The following ZCWPW2 variants were observed in gnomAD, a reference collection of about 807,000 sequenced individuals.
ZCWPW2 encodes the protein zinc finger CW-type PWWP domain protein 2.
In ZCWPW2, 45 loss-of-function variants were observed where a neutral mutation model predicts 46.6. The observed-to-expected ratio is 0.96, with a 90% confidence interval of 0.76 to 1.24. The LOEUF is 1.24. Among genes scored for constraint, ZCWPW2 ranks in the 50% most tolerant of loss-of-function variants. The pLI is 0.00. For missense variants in ZCWPW2, 429 were observed against 403.9 expected (o/e 1.06, Z -0.53); for synonymous variants, 152 against 137.1 (o/e 1.11, Z -0.76).
intron 3 of ZCWPW2, among the ~76,000 whole-genome samples, chr3:28,417,089 A>G (rs1696611353): frequency 6.6e-6 from 1 of 151,026 alleles, no homozygotes; most frequent in Non-Finnish European, 1.5e-5. Flanking sequence ...AGGTCAACAA[A>G]ATTGATAGAC....
intron 1 of ZCWPW2, among the ~76,000 whole-genome samples, chr3:28,379,004 C>T (rs73825143): frequency 3.3e-5 from 5 of 152,296 alleles, no homozygotes; most frequent in Admixed American, 6.5e-5. Flanking sequence ...TAGCTGGACA[C>T]TGCCTGAAAA....
intron 1 of ZCWPW2, among the ~76,000 whole-genome samples, chr3:28,374,976 T>C (rs1178198814): frequency 6.6e-6 from 1 of 151,946 alleles, no homozygotes; most frequent in Non-Finnish European, 1.5e-5. Context: ...TTTAGATCTT[T>C]AATATTTGCT....
chr3:28,379,009 T>G lies in ZCWPW2; in HGVS notation c.-133-11489T>G, dbSNP rs145512912. Among the ~76,000 whole-genome samples the G allele has an allele frequency of 2.5e-3, 385 of 152,296 alleles. 1 individual carries two copies. Among genetic ancestry groups the G allele is most frequent in the African/African-American group, 8.4e-3 (350 of 41,584 alleles). ...TTCTCCCAGGTAGCTGGACACTGCC[T>G]GAAAATATCAGGTGTGCCTTATGTG... On this transcript the variant is annotated intron_variant, in intron 1 of 9. Transcript: ENST00000383768.
intron 4 of ZCWPW2, among the ~76,000 whole-genome samples, chr3:28,476,614 G>T (rs1026015414): frequency 6.6e-6 from 1 of 152,086 alleles, no homozygotes; most frequent in African/African-American, 2.4e-5. Context: ...TCCATGGACT[G>T]GGGGAAGGAA....
At chr3:28,475,391 A>C (rs1253662357) in intron 4 of ZCWPW2, among the ~76,000 whole-genome samples, 1 of 152,106 alleles carries the variant, frequency 6.6e-6, no homozygotes, top group Non-Finnish European at 1.5e-5. Flanking sequence ...TTCTTGCATA[A>C]ATTATTGCAA....
Position 28,348,860 on chromosome 3 carries a change from A to T in ZCWPW2, c.-477A>T. The T allele has an allele frequency of 2.6e-6, 2 of 770,486 alleles. No individual in the cohort carries two copies. The highest frequency in any genetic ancestry group is 3.2e-6 in the Non-Finnish European group (2 of 633,668). The allele number at this position is 770,486 out of a possible 1,614,324, so 47.7% of individuals were successfully genotyped here. A position where few individuals can be genotyped will look rare whatever the true frequency, so the allele number is the denominator to read the frequency against. Reference sequence around the variant, plus strand: ...AGGCAGGAGGGGCCGGGCCGACGCGAGAGAAGGCCCGTTACCCAGCAATAC... The same window carrying T: ...AGGCAGGAGGGGCCGGGCCGACGCGTGAGAAGGCCCGTTACCCAGCAATAC... On this transcript the variant is annotated 5_prime_UTR_variant, in exon 1 of 10. Transcript: ENST00000383768.
At chr3:28,516,436 A>G (rs1469681511) in intron 8 of ZCWPW2, among the ~76,000 whole-genome samples, 1 of 152,124 alleles carries the variant, frequency 6.6e-6, no homozygotes, top group Non-Finnish European at 1.5e-5. Flanking sequence ...GGGGCTTCCA[A>G]CTAAATTGTC....
chr3:28,502,713 A>C (rs1700180411), intron 6 of ZCWPW2, among the ~76,000 whole-genome samples: 1 of 152,158 alleles, frequency 6.6e-6, no homozygotes, highest in African/African-American at 2.4e-5. Context: ...TTCCATCCAC[A>C]GGGCTGCTGG....
At position 28,476,100 on chromosome 3, in the gene ZCWPW2, T is replaced by C. The variant is rs573619934; in HGVS notation, c.493-2714T>C. ...CTAACATTCATTATATATTTATATG[T>C]TGTAGAAATATATAATATTATATAA... On this transcript the variant is annotated intron_variant, in intron 4 of 9. Transcript: ENST00000383768. Among the ~76,000 whole-genome samples the C allele has an allele frequency of 2.6e-5, 4 of 150,966 alleles. No homozygotes were observed. The South Asian group carries it at 8.3e-4, about 31-fold the overall frequency.
intron 5 of ZCWPW2, among the ~76,000 whole-genome samples, chr3:28,479,465 A>C (rs1252733702): frequency 6.6e-6 from 1 of 152,178 alleles, no homozygotes; most frequent in African/African-American, 2.4e-5. Context: ...ATACTATGGT[A>C]TATAGTTAGC....
intron 4 of ZCWPW2, among the ~76,000 whole-genome samples, chr3:28,470,630 T>A (rs2125796526): frequency 6.6e-6 from 1 of 150,894 alleles, no homozygotes; most frequent in African/African-American, 2.4e-5. Context: ...AGTGCCTAAA[T>A]TAAAAAAGAA....
chr3:28,468,621 C>T (rs1698918635), intron 4 of ZCWPW2, among the ~76,000 whole-genome samples: 1 of 152,160 alleles, frequency 6.6e-6, no homozygotes, highest in South Asian at 2.1e-4. Context: ...TGTCAGCAAA[C>T]TGTTCAGTGG....
chr3:28,479,840 A>G (rs2125805372), intron 5 of ZCWPW2, among the ~76,000 whole-genome samples: 1 of 152,296 alleles, frequency 6.6e-6, no homozygotes, highest in South Asian at 2.1e-4. Flanking sequence ...ATGTCCCTGC[A>G]AAGGACTCAT....
At chr3:28,501,652 CAAAAT>C (rs1249374991) in intron 6 of ZCWPW2, among the ~76,000 whole-genome samples, 1 of 152,108 alleles carries the variant, frequency 6.6e-6, no homozygotes, top group Non-Finnish European at 1.5e-5. Flanking sequence ...CATCCCCAAT[CAAAAT>C]AAAGAATTTT....
In ZCWPW2 at chr3:28,365,496, G is replaced by A. The variant is rs1165541731; in HGVS notation, c.-134+16293G>A. On this transcript the variant is annotated intron_variant, in intron 1 of 9. Coordinates refer to ENST00000383768, the MANE Select transcript of ZCWPW2 (RefSeq NM_001040432.4). ...ATTTCTGAGGGCTCTGTTCTGTTCC[G>A]TTAGTCTATATCTCCGTTTTGGTAC... Among the ~76,000 whole-genome samples the A allele has an allele frequency of 3.6e-5, 5 of 140,428 alleles. 1 individual carries two copies. The highest frequency in any genetic ancestry group is 4.8e-5 in the Non-Finnish European group (3 of 62,742). The allele number at this position is 140,428 out of a possible 152,430, so 92.1% of individuals were successfully genotyped here. A position where few individuals can be genotyped will look rare whatever the true frequency, so the allele number is the denominator to read the frequency against.
At chr3:28,430,069 G>A (rs1398546862) in intron 3 of ZCWPW2, among the ~76,000 whole-genome samples, 1 of 152,200 alleles carries the variant, frequency 6.6e-6, no homozygotes. Context: ...GCTGTGAGAA[G>A]AGGGCCATCT....
At chr3:28,457,213 A>G (rs1303278144) in intron 4 of ZCWPW2, among the ~76,000 whole-genome samples, 1 of 152,140 alleles carries the variant, frequency 6.6e-6, no homozygotes, top group Non-Finnish European at 1.5e-5. Flanking sequence ...CTTCTTTACC[A>G]TTTGTTTAGC....
At chr3:28,489,984 T>C (rs1186919522) in intron 5 of ZCWPW2, among the ~76,000 whole-genome samples, 2 of 151,546 alleles carry the variant, frequency 1.3e-5, no homozygotes, top group African/African-American at 4.8e-5. Flanking sequence ...AAGCAAAAAA[T>C]AACCCCATTA....
intron 1 of ZCWPW2, among the ~76,000 whole-genome samples, chr3:28,382,454 TA>T (rs1200078009): frequency 1.3e-5 from 2 of 152,154 alleles, no homozygotes; most frequent in African/African-American, 4.8e-5. Flanking sequence ...ATTACCTCTT[TA>T]AAGACCCTAA....
Sources: allele counts gnomAD v4.1 joint callset (sites outside exome capture counted in the v4.1 genomes callset), GRCh38; gene constraint gnomAD v4.1.1; transcripts MANE v1.5; gene names NCBI Gene and HGNC (gene_info 2026-07-23, HGNC 2026-07-21).